Variants in ABCA13 observed in about 807,000 individuals in gnomAD.
ABCA13 encodes ATP binding cassette subfamily A member 13.
A neutral mutation model predicts 478.7 loss-of-function variants in ABCA13; 476 were observed. That is an observed-to-expected ratio of 0.99 (90% CI 0.92 to 1.07). The LOEUF (loss-of-function observed/expected upper bound fraction) is 1.07. ABCA13 is among the 50% of genes least tolerant of loss of function. The pLI, the probability that ABCA13 is intolerant of heterozygous loss-of-function variation, is 0.00. For missense variants in ABCA13, 6,060 were observed against 5,910.6 expected (o/e 1.03, Z -0.83); for synonymous variants, 2,252 against 2,158.9 (o/e 1.04, Z -1.20).
chr7:48,265,284 T>G (rs1416667860), intron 15 of ABCA13, among the ~76,000 whole-genome samples: 1 of 151,666 alleles, frequency 6.6e-6, no homozygotes, highest in Non-Finnish European at 1.5e-5. Context: ...CATTTGCCTT[T>G]CCATATGAAT....
At position 48,273,881 on chromosome 7, in the gene ABCA13, T is replaced by A. The variant is rs1407640340; in HGVS notation, c.4215T>A (p.Tyr1405Ter). The change falls in exon 17 of 62, where the codon TAT (tyrosine) becomes TAA (stop). Residue 1405 changes from tyrosine (Y) to a stop codon, truncating the protein, a stop_gained. Coordinates refer to ENST00000435803, the MANE Select transcript of ABCA13 (RefSeq NM_152701.5). LOFTEE classifies it high-confidence loss of function. ...IVWLDVINHLYLLSNSSFSQG... is the reference protein window; with the variant it reads ...IVWLDVINHL The stretch of plus-strand genomic sequence containing the variant: ...GGTTAGATGTCATAAACCATTTGTA[T>A]TTGTTGTCTAACTCCAGTTTTTCAC... 1.9e-6 allele frequency: 3 copies of A among 1,612,850 alleles called. No homozygotes were observed.
chr7:48,370,520 G>A (rs2129022518), intron 32 of ABCA13, among the ~76,000 whole-genome samples: 1 of 152,238 alleles, frequency 6.6e-6, no homozygotes, highest in Non-Finnish European at 1.5e-5. Flanking sequence ...TATAATGTTG[G>A]CTGTGGGTTT....
intron 59 of ABCA13, among the ~76,000 whole-genome samples, chr7:48,638,705 G>A (rs1276653990): frequency 6.6e-6 from 1 of 152,152 alleles, no homozygotes; most frequent in Non-Finnish European, 1.5e-5. Flanking sequence ...CATGGTCTCA[G>A]CTCTGCTAGT....
At chr7:48,319,490 G>A (rs2128904281) in intron 27 of ABCA13, among the ~76,000 whole-genome samples, 1 of 152,274 alleles carries the variant, frequency 6.6e-6, no homozygotes, top group Non-Finnish European at 1.5e-5. Flanking sequence ...GACGCTTGTA[G>A]GTTTGCCTCT....
chr7:48,368,793 A>G (rs1395083413), intron 32 of ABCA13, among the ~76,000 whole-genome samples: 5 of 150,012 alleles, frequency 3.3e-5, no homozygotes, highest in Non-Finnish European at 7.4e-5. Flanking sequence ...ACACACACAC[A>G]CACAGACATT....
rs1006362635 is a variant in ABCA13 at position 48,357,678 on chromosome 7, G to A, written c.10688+5191G>A. Reference sequence around the variant, plus strand: ...ATTCTCTAAAAACCTTAAAAGTACAGTGGAAGAAATTGAGACGCTGATAGG... The same window carrying A: ...ATTCTCTAAAAACCTTAAAAGTACAATGGAAGAAATTGAGACGCTGATAGG... On this transcript the variant is annotated intron_variant, in intron 31 of 61. Transcript: ENST00000435803. 2.6e-5 allele frequency among the ~76,000 whole-genome samples: 4 copies of A among 152,020 alleles called. 1 individual carries two copies. Among genetic ancestry groups the A allele is most frequent in the South Asian group, 4.1e-4 (2 of 4,824 alleles).
At position 48,350,777 on chromosome 7, in the gene ABCA13, A is replaced by C. The variant is rs1213470739; in HGVS notation, c.10339A>C (p.Thr3447Pro). The C allele has an allele frequency of 6.2e-7, 1 of 1,613,838 alleles. No homozygotes were observed. The highest frequency in any genetic ancestry group is 1.3e-5 in the African/African-American group (1 of 75,008). ...TCTGCAGTCTGTCGACATCCTGGAGACTAAAGCACATGAACTCTTGCAGCA... is the reference window on the plus strand; with the variant it reads ...TCTGCAGTCTGTCGACATCCTGGAGCCTAAAGCACATGAACTCTTGCAGCA... ...QALQSVDILETKAHELLQQNS... is the reference protein window; with the variant it reads ...QALQSVDILEPKAHELLQQNS... Residue 3447 changes from threonine (T) to proline (P), a missense_variant, in exon 30 of 62, where the codon ACT becomes CCT. Around this residue, in one of 3 missense-constraint regions of ABCA13, gnomAD observed 4,423 missense variants for 4,309.1 expected, o/e 1.03. Transcript: ENST00000435803.
At chr7:48,584,028 G>A (rs1375241933) in intron 56 of ABCA13, among the ~76,000 whole-genome samples, 2 of 152,106 alleles carry the variant, frequency 1.3e-5, no homozygotes, top group African/African-American at 2.4e-5. Context: ...ATAAAAATAT[G>A]CAATAATAAT....
At chr7:48,438,035 T>A (rs1378655992) in intron 42 of ABCA13, among the ~76,000 whole-genome samples, 1 of 152,122 alleles carries the variant, frequency 6.6e-6, no homozygotes, top group Non-Finnish European at 1.5e-5. Flanking sequence ...ATGTGCTCTG[T>A]TGCCCACCAA....
At chr7:48,352,111 C>T in intron 30 of ABCA13, 70 bp from the exon 31 acceptor site, 13 of 1,447,394 alleles carry the variant, frequency 9.0e-6, no homozygotes, top group African/African-American at 1.4e-5. Context: ...CCTGTCTCAC[C>T]CAGTGTAGGC....
chr7:48,456,123 A>G (rs4917141), intron 43 of ABCA13, among the ~76,000 whole-genome samples: 28,600 of 152,172 alleles, frequency 0.19, 3,112 homozygotes, highest in African/African-American at 0.3. Context: ...AAATGACTGG[A>G]ACTCAGTGAT....
intron 29 of ABCA13, among the ~76,000 whole-genome samples, chr7:48,341,833 G>GATATATATATATATATATCTTTCTGAT (rs750528897): frequency 1.8e-4 from 13 of 71,348 alleles, no homozygotes; most frequent in African/African-American, 6.1e-4. Context: ...ATATCTTTCT[G>GATATATATATATATATATCTTTCTGAT]ATATATATAT....
At chr7:48,437,224 G>C (rs1205683996) in intron 42 of ABCA13, among the ~76,000 whole-genome samples, 1 of 151,798 alleles carries the variant, frequency 6.6e-6, no homozygotes, top group Non-Finnish European at 1.5e-5. Flanking sequence ...ATCTCTAATT[G>C]GTACGTCTTC....
At chr7:48,338,481 T>A in intron 29 of ABCA13, 26 bp downstream of exon 29, 1 of 1,549,848 alleles carries the variant, frequency 6.5e-7, no homozygotes, top group Non-Finnish European at 8.8e-7. Context: ...GGCATGGTAG[T>A]GTTCTTCTGC....
intron 32 of ABCA13, among the ~76,000 whole-genome samples, chr7:48,369,618 A>G (rs1224126508): frequency 1.3e-5 from 2 of 152,178 alleles, no homozygotes; most frequent in African/African-American, 4.8e-5. Flanking sequence ...GTGGGTTGCC[A>G]ATTATCCCAA....
chr7:48,548,845 T>C (rs960485768), intron 55 of ABCA13, among the ~76,000 whole-genome samples: 1 of 151,554 alleles, frequency 6.6e-6, no homozygotes, highest in Non-Finnish European at 1.5e-5. Flanking sequence ...ACATGCTCCT[T>C]ACACCTGGGG....
intron 55 of ABCA13, among the ~76,000 whole-genome samples, chr7:48,535,763 G>A (rs1833526019): frequency 6.6e-6 from 1 of 152,096 alleles, no homozygotes; most frequent in Non-Finnish European, 1.5e-5. Flanking sequence ...CCTCTGCTGA[G>A]TCACACAGGT....
chr7:48,553,468 TTTGTTGC>T (rs1785508205), intron 55 of ABCA13, among the ~76,000 whole-genome samples: 1 of 152,020 alleles, frequency 6.6e-6, no homozygotes, highest in Admixed American at 6.6e-5. Context: ...CTCTCTAGCA[TTTGTTGC>T]TTGTTGCCTG....
intron 15 of ABCA13, among the ~76,000 whole-genome samples, chr7:48,268,398 A>G (rs1017926422): frequency 2.6e-5 from 4 of 152,050 alleles, no homozygotes; most frequent in South Asian, 2.1e-4. Flanking sequence ...ACCTCAGGTG[A>G]TCCATCTGCC....
Sources: allele counts gnomAD v4.1 joint callset (sites outside exome capture counted in the v4.1 genomes callset), GRCh38; gene constraint gnomAD v4.1.1; regional missense constraint gnomAD v4.1.1; transcripts MANE v1.5; gene names NCBI Gene and HGNC (gene_info 2026-07-23, HGNC 2026-07-21).